Variants in SLC13A1 observed in about 807,000 individuals in gnomAD.
SLC13A1 encodes the protein solute carrier family 13 member 1.
A neutral mutation model predicts 70.0 loss-of-function variants in SLC13A1; 65 were observed. The observed-to-expected ratio is 0.93, with a 90% CI of 0.76 to 1.14. The LOEUF (loss-of-function observed/expected upper bound fraction) is 1.14. SLC13A1 is among the 50% of genes most tolerant of loss of function. SLC13A1 has a pLI of 0.00. For synonymous variants in SLC13A1, 275 were observed against 250.5 expected (o/e 1.10, Z -0.92); for missense variants, 726 against 717.8 (o/e 1.01, Z -0.13).
Position 123,181,105 on chromosome 7 carries a change from G to A in SLC13A1, c.100-4C>T, listed in dbSNP as rs371336252. On this transcript the variant is annotated splice_polypyrimidine_tract_variant and splice_region_variant and intron_variant, in intron 1 of 14. Coordinates refer to ENST00000194130, the MANE Select transcript of SLC13A1 (RefSeq NM_022444.4). ...GTGTGTAGGCACATTCTGCTTCCTG[G>A]TAAGAACAAATGCAAAGCAAAAGGT... is the stretch of plus-strand genomic sequence containing the variant. 27 of 1,610,598 alleles carry A rather than the reference G, an allele frequency of 1.7e-5. No homozygotes were observed. In the African/African-American group the frequency reaches 2.9e-4, roughly 18 times the overall value.
chr7:123,139,202 T>C (rs1156669537), intron 7 of SLC13A1, among the ~76,000 whole-genome samples: 4 of 152,152 alleles, frequency 2.6e-5, no homozygotes, highest in Non-Finnish European at 5.9e-5. Flanking sequence ...TCTTGACTCC[T>C]TTGTCGAAAA....
chr7:123,143,316 GT>G (rs1156491081), intron 7 of SLC13A1, among the ~76,000 whole-genome samples: 1 of 152,122 alleles, frequency 6.6e-6, no homozygotes, highest in East Asian at 1.9e-4. Context: ...AGGAGTTGTA[GT>G]TTTTGTGCCC....
At chr7:123,156,348 T>C (rs1024472418) in intron 6 of SLC13A1, among the ~76,000 whole-genome samples, 7 of 152,146 alleles carry the variant, frequency 4.6e-5, no homozygotes, top group African/African-American at 1.7e-4. Flanking sequence ...TAACCTGCCA[T>C]CTTAATGGAA....
chr7:123,164,883 C>T (rs1795020290), intron 6 of SLC13A1, among the ~76,000 whole-genome samples: 1 of 147,746 alleles, frequency 6.8e-6, no homozygotes, highest in African/African-American at 2.5e-5. Flanking sequence ...CCACTCTCCC[C>T]AAAAAAAGAG....
At chr7:123,141,085 T>G (rs924789500) in intron 7 of SLC13A1, among the ~76,000 whole-genome samples, 10 of 152,030 alleles carry the variant, frequency 6.6e-5, no homozygotes, top group African/African-American at 2.4e-4. Flanking sequence ...TTTGCTGTAT[T>G]CCATAGATTT....
intron 11 of SLC13A1, among the ~76,000 whole-genome samples, chr7:123,125,225 T>A (rs531539232): frequency 7.9e-5 from 12 of 152,210 alleles, no homozygotes; most frequent in Non-Finnish European, 7.3e-5. Context: ...CAAGGTATCA[T>A]AATGAAGCAG....
intron 11 of SLC13A1, among the ~76,000 whole-genome samples, chr7:123,124,465 C>G (rs191238316): frequency 6.6e-6 from 1 of 152,274 alleles, no homozygotes; most frequent in Admixed American, 6.5e-5. Context: ...ATACATTAGT[C>G]ATTTATAGAT....
chr7:123,178,053 C>T (rs918921419), intron 2 of SLC13A1, among the ~76,000 whole-genome samples: 4 of 148,118 alleles, frequency 2.7e-5, no homozygotes, highest in Non-Finnish European at 6.0e-5. Context: ...ATATATATCT[C>T]CATACATGTG....
intron 1 of SLC13A1, among the ~76,000 whole-genome samples, chr7:123,199,266 A>T (rs1174609676): frequency 1.3e-5 from 2 of 152,140 alleles, no homozygotes; most frequent in African/African-American, 4.8e-5. Context: ...CACCACAATG[A>T]AACAAAACCT....
intron 13 of SLC13A1, among the ~76,000 whole-genome samples, chr7:123,118,218 G>T (rs1793246200): frequency 6.6e-6 from 1 of 151,988 alleles, no homozygotes; most frequent in Admixed American, 6.6e-5. Flanking sequence ...GATTTGCTTA[G>T]GGTTCATCAT....
At chr7:123,171,939 T>C (rs1173345627) in intron 2 of SLC13A1, 35 bp from the exon 3 acceptor site, 3 of 1,599,106 alleles carry the variant, frequency 1.9e-6, no homozygotes, top group South Asian at 1.1e-5. Flanking sequence ...TTATTTACTT[T>C]GGTGGGGAAA....
chr7:123,132,335 C>A (rs55988424), intron 8 of SLC13A1, among the ~76,000 whole-genome samples: 2 of 151,802 alleles, frequency 1.3e-5, no homozygotes, highest in African/African-American at 4.9e-5. Context: ...CCCATGGCCA[C>A]AGGCATGGAA....
intron 1 of SLC13A1, among the ~76,000 whole-genome samples, chr7:123,187,827 T>G (rs1008038350): frequency 6.6e-6 from 1 of 152,238 alleles, no homozygotes; most frequent in African/African-American, 2.4e-5. Flanking sequence ...GTTTTTCTAC[T>G]GATGTTTGTT....
intron 6 of SLC13A1, among the ~76,000 whole-genome samples, chr7:123,157,552 A>G (rs1398654025): frequency 1.3e-5 from 2 of 151,994 alleles, no homozygotes; most frequent in Non-Finnish European, 2.9e-5. Context: ...CTTCCCTTAT[A>G]CTTTCTTAGG....
intron 1 of SLC13A1, among the ~76,000 whole-genome samples, chr7:123,194,377 G>C (rs1369450982): frequency 6.6e-6 from 1 of 152,072 alleles, no homozygotes; most frequent in African/African-American, 2.4e-5. Flanking sequence ...AGAGGAAAAT[G>C]CAAATGTGGG....
intron 8 of SLC13A1, among the ~76,000 whole-genome samples, chr7:123,129,900 G>C (rs571927047): frequency 6.6e-6 from 1 of 152,256 alleles, no homozygotes; most frequent in South Asian, 2.1e-4. Flanking sequence ...ACGCATGTAA[G>C]TTTTAGCCCA....
At chr7:123,190,279 G>T (rs1461368638) in intron 1 of SLC13A1, among the ~76,000 whole-genome samples, 1 of 152,108 alleles carries the variant, frequency 6.6e-6, no homozygotes, top group Non-Finnish European at 1.5e-5. Flanking sequence ...TCACAGAGTA[G>T]GGTTGACACT....
At chr7:123,136,225 A>G (rs889534187) in intron 7 of SLC13A1, among the ~76,000 whole-genome samples, 1 of 152,226 alleles carries the variant, frequency 6.6e-6, no homozygotes, top group African/African-American at 2.4e-5. Flanking sequence ...AATGTATTTG[A>G]CTGAAGATGG....
chr7:123,136,549 C>T (rs1793954263), intron 7 of SLC13A1, among the ~76,000 whole-genome samples: 1 of 152,116 alleles, frequency 6.6e-6, no homozygotes, highest in South Asian at 2.1e-4. Context: ...CTGTCATGAA[C>T]TATGCTAAGA....
Sources: gnomAD v4.1 joint callset for allele counts (sites outside exome capture counted in the v4.1 genomes callset) on GRCh38, gnomAD v4.1.1 for gene constraint, MANE v1.5 for transcripts, NCBI Gene and HGNC (gene_info 2026-07-23, HGNC 2026-07-21) for gene names.